The following BLTP1 variants were observed in gnomAD, a reference collection of about 807,000 sequenced individuals.
BLTP1 encodes fragile site-associated protein.
the BLTP1 span, chr4:122,197,268 GA>G: frequency 6.7e-7 from 1 of 1,490,552 alleles, no homozygotes; most frequent in African/African-American, 1.4e-5. Flanking sequence ...GACAGTTGAA[GA>G]AAATGGTAAG....
the BLTP1 span, chr4:122,347,534 G>A: frequency 1.2e-5 from 19 of 1,612,590 alleles, no homozygotes; most frequent in South Asian, 1.5e-4. Flanking sequence ...TCTGGCCCAG[G>A]GACACCTGAT....
the BLTP1 span, chr4:122,237,987 A>AG: frequency 1.5e-5 from 20 of 1,291,370 alleles, no homozygotes; most frequent in Admixed American, 1.8e-4. Context: ...ATCTCAAAAA[A>AG]AAAAAAAAAA....
At chr4:122,201,787 C>T in the BLTP1 span, 1 of 840,036 alleles carries the variant, frequency 1.2e-6, no homozygotes, top group South Asian at 5.4e-5. Flanking sequence ...GGCTGTTCCA[C>T]AGAAACCTAA....
the BLTP1 span, chr4:122,197,505 T>C: frequency 1.2e-6 from 1 of 820,428 alleles, no homozygotes; most frequent in Non-Finnish European, 1.5e-6. Context: ...TTATAACGTA[T>C]ACATTTCTTT....
the BLTP1 span, chr4:122,235,424 G>GC: frequency 1.0e-6 from 1 of 971,572 alleles, no homozygotes; most frequent in African/African-American, 1.8e-5. Context: ...TATACTGTTG[G>GC]CCCCCATGTT....
At chr4:122,293,024 A>G in the BLTP1 span, 4 of 910,376 alleles carry the variant, frequency 4.4e-6, no homozygotes, top group South Asian at 1.0e-4. Context: ...CCTTAATAAC[A>G]CTTCTTAAGT....
the BLTP1 span, chr4:122,196,761 T>C: frequency 1.3e-6 from 2 of 1,596,834 alleles, no homozygotes. Flanking sequence ...TTGCAGATGC[T>C]ACAATTGATT....
chr4:122,213,410 G>A, the BLTP1 span, among the ~76,000 whole-genome samples: 3 of 151,492 alleles, frequency 2.0e-5, no homozygotes, highest in African/African-American at 7.3e-5. Context: ...CTTTTTGGAA[G>A]TTCAAAAATG....
chr4:122,227,389 A>G, the BLTP1 span: 2 of 984,284 alleles, frequency 2.0e-6, no homozygotes, highest in Non-Finnish European at 2.4e-6. Context: ...TGCAGTGGCA[A>G]TGAAATGCCA....
At chr4:122,211,961 T>C in the BLTP1 span, 3 of 429,626 alleles carry the variant, frequency 7.0e-6, no homozygotes, top group Non-Finnish European at 9.3e-6. Context: ...TTATCCAACA[T>C]CACTTTCAAC....
chr4:122,326,099 T>G, the BLTP1 span, among the ~76,000 whole-genome samples: 18 of 151,676 alleles, frequency 1.2e-4, no homozygotes, highest in Admixed American at 1.2e-3. Context: ...TTTTTACTTC[T>G]GTGTAGTTTA....
At chr4:122,244,165 AT>A in the BLTP1 span, 4 of 896,808 alleles carry the variant, frequency 4.5e-6, no homozygotes, top group African/African-American at 7.1e-5. Flanking sequence ...ATAGAAGATT[AT>A]TGATAGCTAT....
At chr4:122,263,312 T>C in the BLTP1 span, 4 of 1,419,014 alleles carry the variant, frequency 2.8e-6, no homozygotes, top group Non-Finnish European at 3.7e-6. Context: ...ACCAACATTA[T>C]GCAGTGAGAA....
chr4:122,324,293 C>T, the BLTP1 span: 21 of 852,104 alleles, frequency 2.5e-5, no homozygotes, highest in Non-Finnish European at 3.3e-5. Context: ...TCTATTTTGA[C>T]TCATATTGTT....
At chr4:122,274,045 T>A in the BLTP1 span, among the ~76,000 whole-genome samples, 1 of 152,040 alleles carries the variant, frequency 6.6e-6, no homozygotes, top group Non-Finnish European at 1.5e-5. Flanking sequence ...ATTTCTGAGA[T>A]GTAAAATGCC....
At chr4:122,212,202 A>T in the BLTP1 span, among the ~76,000 whole-genome samples, 2 of 152,180 alleles carry the variant, frequency 1.3e-5, no homozygotes, top group Non-Finnish European at 1.5e-5. Flanking sequence ...TTGAGTTATT[A>T]TATTGTATTT....
the BLTP1 span, chr4:122,346,890 G>A: frequency 1.4e-6 from 2 of 1,450,070 alleles, no homozygotes; most frequent in Non-Finnish European, 1.8e-6. Context: ...TGTCCATTGG[G>A]CCCCTCTAAT....
the BLTP1 span, chr4:122,305,864 A>C: frequency 1.9e-6 from 3 of 1,561,904 alleles, no homozygotes; most frequent in African/African-American, 2.8e-5. Context: ...TTGAGCTTTA[A>C]ATTTTATTTT....
At chr4:122,317,688 A>G in the BLTP1 span, among the ~76,000 whole-genome samples, 1 of 151,518 alleles carries the variant, frequency 6.6e-6, no homozygotes, top group Admixed American at 6.6e-5. Flanking sequence ...TGCATTTTGT[A>G]TAGCAAAATG....
Sources: gnomAD v4.1 joint callset for allele counts (sites outside exome capture counted in the v4.1 genomes callset) on GRCh38, gnomAD v4.1.1 for gene constraint, MANE v1.5 for transcripts, NCBI Gene and HGNC (gene_info 2026-07-23, HGNC 2026-07-21) for gene names.